The following RBMS3 variants were observed in gnomAD, a reference collection of about 807,000 sequenced individuals.
The protein encoded by RBMS3 is RNA-binding motif, single-stranded-interacting protein 3.
A neutral mutation model predicts 66.8 loss-of-function variants in RBMS3; 27 were observed. The observed-to-expected ratio is 0.40, with a 90% CI of 0.30 to 0.56. The LOEUF is 0.56. Ranked by LOEUF, RBMS3 falls within the 20% of genes least tolerant of loss-of-function variation. The probability of loss-of-function intolerance (pLI) is 0.40; values close to 1 mark genes in which losing one functional copy is unlikely to be tolerated. For missense variants in RBMS3, 513 were observed against 549.5 expected (o/e 0.93, Z 0.66); for synonymous variants, 188 against 183.0 (o/e 1.03, Z -0.22).
intron 3 of RBMS3, among the ~76,000 whole-genome samples, chr3:29,498,882 G>T (rs2043860883): frequency 6.6e-6 from 1 of 152,128 alleles, no homozygotes; most frequent in Non-Finnish European, 1.5e-5. Flanking sequence ...TTTATGAATT[G>T]ACTTGTGTTT....
chr3:29,600,032 C>T (rs1424575848), intron 4 of RBMS3, among the ~76,000 whole-genome samples: 2 of 151,982 alleles, frequency 1.3e-5, no homozygotes, highest in Non-Finnish European at 2.9e-5. Flanking sequence ...AACCAAGATA[C>T]TATTTTTACT....
At chr3:29,445,424 A>T (rs960739668) in intron 2 of RBMS3, among the ~76,000 whole-genome samples, 2 of 148,436 alleles carry the variant, frequency 1.3e-5, no homozygotes, top group South Asian at 4.3e-4. Context: ...AAAAAAAAAA[A>T]CTGTTTATTT....
rs137981953 is a variant in RBMS3, at chr3:29,682,544, T to C, written c.400-57176T>C. 8.3e-4 allele frequency among the ~76,000 whole-genome samples: 126 copies of C among 152,294 alleles called. 1 individual carries two copies. Among genetic ancestry groups the C allele is most frequent in the African/African-American group, 2.9e-3 (121 of 41,556 alleles). ...TAGGAAGGATCCTGTCTATACTTAG[T>C]GGAAGAGTACCAAGATTTCTTACAG... On this transcript the variant is annotated intron_variant, in intron 4 of 14. Transcript: ENST00000383767.
At chr3:29,488,522 C>G in intron 3 of RBMS3, 23 bp downstream of exon 3, 1 of 1,594,908 alleles carries the variant, frequency 6.3e-7, no homozygotes, top group Non-Finnish European at 8.6e-7. Context: ...GCATCCGTAC[C>G]CTGAAATCTT....
At chr3:29,741,921 A>C (rs953145765) in intron 5 of RBMS3, among the ~76,000 whole-genome samples, 1 of 151,988 alleles carries the variant, frequency 6.6e-6, no homozygotes. Context: ...AATAGGGCCC[A>C]CCCTAATGGC....
Position 29,420,965 on chromosome 3 carries a change from TAACTG to T in RBMS3, c.76-13777_76-13773del, listed in dbSNP as rs769544459. Among the ~76,000 whole-genome samples, 25 of 92,088 alleles carry T rather than the reference TAACTG, an allele frequency of 2.7e-4. 1 individual carries two copies. The East Asian group carries it at 2.8e-3, about 10-fold the overall frequency. 60.4% of individuals were successfully genotyped at this position (92,088 alleles called of 152,430 possible). On this transcript the variant is annotated intron_variant, in intron 1 of 14. Coordinates refer to ENST00000383767, the MANE Select transcript of RBMS3 (RefSeq NM_001003793.3). ...TAAAAATGAAAAAAAAAAAAAAAAT[TAACTG>T]GGCGTGGTGGCGGGCGCCTGTAGTC...
chr3:29,347,143 C>A (rs1204985189), intron 1 of RBMS3, among the ~76,000 whole-genome samples: 1 of 152,100 alleles, frequency 6.6e-6, no homozygotes, highest in Non-Finnish European at 1.5e-5. Flanking sequence ...ATGAGAGAGA[C>A]AAATAATGGG....
intron 4 of RBMS3, chr3:29,615,235 A>G (rs1199139396): frequency 6.6e-6 from 1 of 152,230 alleles, no homozygotes; most frequent in East Asian, 1.9e-4. Context: ...CCTTCCTGCT[A>G]TACAAATCAA....
intron 3 of RBMS3, among the ~76,000 whole-genome samples, chr3:29,519,768 C>T (rs1006776509): frequency 1.3e-5 from 2 of 152,040 alleles, no homozygotes; most frequent in African/African-American, 2.4e-5. Flanking sequence ...ATCAAACTGC[C>T]TTGTTATTAT....
intron 2 of RBMS3, among the ~76,000 whole-genome samples, chr3:29,476,304 A>C (rs1325832299): frequency 4.4e-4 from 67 of 152,226 alleles, no homozygotes; most frequent in Non-Finnish European, 1.5e-5. Context: ...ATCTACTATA[A>C]GCCTATTATT....
chr3:29,720,300 T>A (rs1255133354), intron 4 of RBMS3, among the ~76,000 whole-genome samples: 1 of 152,188 alleles, frequency 6.6e-6, no homozygotes, highest in African/African-American at 2.4e-5. Flanking sequence ...ATGTAGCCAT[T>A]GTAAGCATTT....
intron 3 of RBMS3, among the ~76,000 whole-genome samples, chr3:29,521,132 C>T (rs2044842170): frequency 6.6e-6 from 1 of 152,058 alleles, no homozygotes; most frequent in African/African-American, 2.4e-5. Flanking sequence ...CCACCCCATC[C>T]TTGATTATAT....
chr3:29,384,998 GC>G (rs1335653525), intron 1 of RBMS3, among the ~76,000 whole-genome samples: 1 of 151,970 alleles, frequency 6.6e-6, no homozygotes, highest in African/African-American at 2.4e-5. Flanking sequence ...GAAATGTGTT[GC>G]CGAACAAACC....
chr3:29,759,476 A>G (rs2055568029), intron 5 of RBMS3, among the ~76,000 whole-genome samples: 1 of 152,118 alleles, frequency 6.6e-6, no homozygotes, highest in South Asian at 2.1e-4. Flanking sequence ...ACCGCCTAGG[A>G]AGAATAGATG....
intron 12 of RBMS3, among the ~76,000 whole-genome samples, chr3:29,965,420 C>T (rs1407160046): frequency 6.6e-6 from 1 of 152,080 alleles, no homozygotes; most frequent in East Asian, 1.9e-4. Context: ...TATGGCCATT[C>T]TTGCAAGAGT....
rs369821560 is a variant in RBMS3, at chr3:29,630,818, G to T, written c.399+43613G>T. 3.3e-5 allele frequency among the ~76,000 whole-genome samples: 5 copies of T among 151,900 alleles called. No individual in the cohort carries two copies. The East Asian group carries it at 9.7e-4, about 29-fold the overall frequency. ...TGCTTTTTAGAAAATGTTTAAGTTG[G>T]TCAAACAAGTAATGATTCATTTTAG... On this transcript the variant is annotated intron_variant, in intron 4 of 14. Transcript: ENST00000383767.
chr3:29,643,732 A>G (rs1057107779), intron 4 of RBMS3, among the ~76,000 whole-genome samples: 1 of 152,114 alleles, frequency 6.6e-6, no homozygotes, highest in African/African-American at 2.4e-5. Context: ...GGAGGTTTCT[A>G]GAGAAAAGGC....
intron 10 of RBMS3, among the ~76,000 whole-genome samples, chr3:29,900,705 T>A (rs2060231729): frequency 6.6e-6 from 1 of 151,792 alleles, no homozygotes. Flanking sequence ...ATAGTGCTTT[T>A]GTGAGGATCA....
At chr3:29,963,456 G>C (rs758235317) in intron 12 of RBMS3, among the ~76,000 whole-genome samples, 16 of 152,122 alleles carry the variant, frequency 1.1e-4, no homozygotes, top group Non-Finnish European at 2.1e-4. Flanking sequence ...AACAAAAAAC[G>C]TATAAGATTT....
Sources: gnomAD v4.1 joint callset for allele counts (sites outside exome capture counted in the v4.1 genomes callset) on GRCh38, gnomAD v4.1.1 for gene constraint, MANE v1.5 for transcripts, NCBI Gene and HGNC (gene_info 2026-07-23, HGNC 2026-07-21) for gene names.